Variants in GNAL observed in about 807,000 individuals in gnomAD.
GNAL encodes G protein subunit alpha L.
A neutral mutation model predicts 55.1 loss-of-function variants in GNAL; 18 were observed. The ratio of observed to expected loss-of-function variants is 0.33; its 90% confidence interval spans 0.23 to 0.48. GNAL has a LOEUF of 0.48. GNAL is among the 20% of genes least tolerant of loss of function. The probability of loss-of-function intolerance (pLI) is 0.99; values close to 1 mark genes in which losing one functional copy is unlikely to be tolerated. For missense variants in GNAL, 412 were observed against 614.1 expected (o/e 0.67, Z 3.48); for synonymous variants, 253 against 237.0 (o/e 1.07, Z -0.62).
chr18:11,725,709 C>T (rs567584603), intron 1 of GNAL, among the ~76,000 whole-genome samples: 15 of 152,284 alleles, frequency 9.9e-5, no homozygotes, highest in African/African-American at 3.6e-4. Context: ...CAAGTTTTGG[C>T]AATCGTGAGT....
At chr18:11,828,559 G>T (rs370506559) in intron 5 of GNAL, among the ~76,000 whole-genome samples, 1 of 151,932 alleles carries the variant, frequency 6.6e-6, no homozygotes, top group East Asian at 1.9e-4. Flanking sequence ...TGGAATATGC[G>T]TTCTATCATC....
At chr18:11,824,369 A>G (rs905280963) in intron 4 of GNAL, among the ~76,000 whole-genome samples, 2 of 151,998 alleles carry the variant, frequency 1.3e-5, no homozygotes, top group Non-Finnish European at 2.9e-5. Context: ...TGTAATTTGC[A>G]TTTTGGGGGA....
intron 4 of GNAL, among the ~76,000 whole-genome samples, chr18:11,817,550 T>C (rs1197453212): frequency 2.6e-5 from 4 of 152,196 alleles, no homozygotes; most frequent in Non-Finnish European, 4.4e-5. Context: ...TGCTTTCCCC[T>C]CAGGAACTGC....
intron 1 of GNAL, among the ~76,000 whole-genome samples, chr18:11,749,051 G>A (rs1170859647): frequency 1.3e-5 from 2 of 151,346 alleles, no homozygotes; most frequent in Non-Finnish European, 2.9e-5. Flanking sequence ...CCCTGAAGCT[G>A]GGAGGCAGAG....
chr18:11,788,049 T>C (rs2034110361), intron 4 of GNAL, among the ~76,000 whole-genome samples: 1 of 152,254 alleles, frequency 6.6e-6, no homozygotes, highest in Middle Eastern at 3.4e-3. Context: ...CCCCAGTAAA[T>C]TTATCCTTGA....
chr18:11,701,117 C>T, intron 1 of GNAL, among the ~76,000 whole-genome samples: 1 of 152,170 alleles, frequency 6.6e-6, no homozygotes, highest in East Asian at 1.9e-4. Flanking sequence ...AAATACCAGT[C>T]CGAGCCTGCA....
At chr18:11,857,459 A>G (rs758170910) in intron 5 of GNAL, 10 of 984,048 alleles carry the variant, frequency 1.0e-5, no homozygotes, top group Non-Finnish European at 1.1e-5. Context: ...TGAAGGGGAG[A>G]CTGGACAGAC....
At chr18:11,815,009 TAC>T (rs940574521) in intron 4 of GNAL, among the ~76,000 whole-genome samples, 16 of 151,986 alleles carry the variant, frequency 1.1e-4, no homozygotes, top group African/African-American at 3.6e-4. Flanking sequence ...GATCAATGGG[TAC>T]AGAGTTACAG....
At chr18:11,851,293 C>G in intron 5 of GNAL, 1 of 536,516 alleles carries the variant, frequency 1.9e-6, no homozygotes, top group African/African-American at 1.9e-5. Context: ...ATGCGCAGCC[C>G]CTGGCGTCTT....
intron 4 of GNAL, among the ~76,000 whole-genome samples, chr18:11,786,436 C>CT (rs66803403): frequency 0.42 from 25,545 of 61,352 alleles, 10,032 homozygotes; most frequent in Non-Finnish European, 0.5. Flanking sequence ...CATACGTTTT[C>CT]TTTTTTTTTT....
At chr18:11,858,430 C>G (rs2143819762) in intron 5 of GNAL, among the ~76,000 whole-genome samples, 2 of 152,274 alleles carry the variant, frequency 1.3e-5, no homozygotes, top group African/African-American at 4.8e-5. Flanking sequence ...GGTCAGCATG[C>G]AGTGGCATAT....
intron 4 of GNAL, among the ~76,000 whole-genome samples, chr18:11,790,651 C>CTTTTTTTTTTTTTTT (rs1232488173): frequency 3.2e-4 from 27 of 83,332 alleles, no homozygotes; most frequent in African/African-American, 3.7e-4. Flanking sequence ...CTTTTCTTTT[C>CTTTTTTTTTTTTTTT]TTTTTTTTTC....
intron 1 of GNAL, among the ~76,000 whole-genome samples, chr18:11,712,086 G>C (rs1428066482): frequency 2.6e-5 from 4 of 152,210 alleles, no homozygotes; most frequent in Admixed American, 1.3e-4. Flanking sequence ...CATGAGTTTT[G>C]CACCTTTTCC....
intron 11 of GNAL, among the ~76,000 whole-genome samples, chr18:11,879,344 C>T (rs918922995): frequency 5.3e-5 from 8 of 151,906 alleles, no homozygotes; most frequent in African/African-American, 1.2e-4. Context: ...CAGGGATTCT[C>T]GTGGCACCAA....
rs537521733 is a variant in GNAL at position 11,881,314 on chromosome 18, T to C, written c.*179T>C. 9.1e-6 allele frequency: 5 copies of C among 551,470 alleles called. No individual in the cohort carries two copies. In the African/African-American group the frequency reaches 9.4e-5, roughly 10 times the overall value. The allele number at this position is 551,470 out of a possible 1,614,324, so 34.2% of individuals were successfully genotyped here. A position where few individuals can be genotyped will look rare whatever the true frequency, so the allele number is the denominator to read the frequency against. On this transcript the variant is annotated 3_prime_UTR_variant, in exon 12 of 12. Transcript: ENST00000334049. The surrounding 1 kb of genome is among the most constrained non-coding windows in gnomAD (Gnocchi z 4.8). ...AGGTTTGGTTGTGTAGCTTCTGTTG[T>C]CATTGAATACGGCCTCCCGCAGCAT...
intron 4 of GNAL, among the ~76,000 whole-genome samples, chr18:11,788,727 G>A (rs1479537684): frequency 6.6e-6 from 1 of 150,548 alleles, no homozygotes; most frequent in Non-Finnish European, 1.5e-5. Flanking sequence ...GTGAAACCCC[G>A]TCTCTACTAA....
At chr18:11,742,116 A>T (rs575846123) in intron 1 of GNAL, among the ~76,000 whole-genome samples, 1 of 152,130 alleles carries the variant, frequency 6.6e-6, no homozygotes, top group African/African-American at 2.4e-5. Context: ...TCACATGTGC[A>T]TTTTTGTACA....
chr18:11,689,573 T>A lies in GNAL; in HGVS notation c.10T>A (p.Cys4Ser), dbSNP rs2031166569. The change falls in exon 1 of 12, where the codon TGC becomes AGC. Residue 4 changes from cysteine to serine, a missense_variant. By Grantham distance (112) the Cys-to-Ser change is moderately radical. Around this residue, in one of 5 missense-constraint regions of GNAL, gnomAD observed 228 missense variants for 194.8 expected, o/e 1.17. Coordinates refer to ENST00000334049, the MANE Select transcript of GNAL (RefSeq NM_182978.4). MGL[C>S]YSLRPLLFGG... ...GCTGTGCCGCGCCCACATGGGTCTG[T>A]GCTACAGTCTGCGGCCGCTGCTTTT... 1 of 1,325,652 alleles carries A rather than the reference T, an allele frequency of 7.5e-7. No individual in the cohort carries two copies. The highest frequency in any genetic ancestry group is 1.6e-5 in the African/African-American group (1 of 64,324). The allele number at this position is 1,325,652 out of a possible 1,614,324, so 82.1% of individuals were successfully genotyped here. A position where few individuals can be genotyped will look rare whatever the true frequency, so the allele number is the denominator to read the frequency against.
Position 11,753,002 on chromosome 18 carries a change from A to G in GNAL, c.449+77A>G, listed in dbSNP as rs2143102808. The stretch of plus-strand genomic sequence containing the variant: ...CAGACGTCCCAAAAGTGCTTTCTCT[A>G]AACAATTTTAATTTATTTGATAATG... On this transcript the variant is annotated intron_variant, in intron 2 of 11. Transcript: ENST00000334049. 3 of 761,872 alleles carry G rather than the reference A, an allele frequency of 3.9e-6. No homozygotes were observed. In the South Asian group the frequency reaches 4.9e-5, roughly 12 times the overall value. 47.2% of individuals were successfully genotyped at this position (761,872 alleles called of 1,614,324 possible).
Sources: allele counts gnomAD v4.1 joint callset (sites outside exome capture counted in the v4.1 genomes callset), GRCh38; gene constraint gnomAD v4.1.1; regional missense constraint gnomAD v4.1.1; non-coding constraint Gnocchi (gnomAD v3.1); transcripts MANE v1.5; gene names NCBI Gene and HGNC (gene_info 2026-07-23, HGNC 2026-07-21).